Variants in MTA3 observed in about 807,000 individuals in gnomAD.
MTA3 encodes the protein metastasis associated 1 family member 3, also known as metastasis-associated protein MTA3.
MTA3 carries 34 observed loss-of-function variants against 83.5 expected under a neutral mutation model. The observed-to-expected ratio is 0.41, with a 90% CI of 0.31 to 0.54. The LOEUF is 0.54. Among genes scored for constraint, MTA3 ranks in the 20% least tolerant of loss-of-function variants. The probability of loss-of-function intolerance (pLI) is 0.33; values close to 1 mark genes in which losing one functional copy is unlikely to be tolerated. For synonymous variants in MTA3, 303 were observed against 252.7 expected (o/e 1.20, Z -1.89); for missense variants, 761 against 726.4 (o/e 1.05, Z -0.55).
chr2:42,643,470 G>A (rs1687887309), intron 5 of MTA3, among the ~76,000 whole-genome samples: 1 of 152,074 alleles, frequency 6.6e-6, no homozygotes, highest in South Asian at 2.1e-4. Flanking sequence ...AGGGAGGACT[G>A]GAAATTTTGG....
intron 2 of MTA3, among the ~76,000 whole-genome samples, chr2:42,517,864 C>CAAAAAAAA (rs386390061): frequency 1.0e-5 from 1 of 95,270 alleles, no homozygotes; most frequent in Non-Finnish European, 2.1e-5. Context: ...GACTCTGTCT[C>CAAAAAAAA]AAAAAAAAAA....
At chr2:42,668,724 C>T (rs1690518869) in intron 8 of MTA3, among the ~76,000 whole-genome samples, 1 of 152,086 alleles carries the variant, frequency 6.6e-6, no homozygotes, top group African/African-American at 2.4e-5. Context: ...TAAATATGGT[C>T]ATTAGGCTAT....
At chr2:42,605,172 G>GC (rs1683105895) in intron 3 of MTA3, among the ~76,000 whole-genome samples, 1 of 144,098 alleles carries the variant, frequency 6.9e-6, no homozygotes, top group Non-Finnish European at 1.5e-5. Flanking sequence ...GGGCAGAGGC[G>GC]CCCCTCACCT....
chr2:42,654,939 G>A lies in MTA3; in HGVS notation c.500-1261G>A, dbSNP rs140016423. Among the ~76,000 whole-genome samples the A allele has an allele frequency of 5.6e-3, 852 of 152,172 alleles. 8 individuals carry two copies. The highest frequency in any genetic ancestry group is 5.9e-3 in the Non-Finnish European group (404 of 67,992). Reference sequence around the variant, plus strand: ...CCTCCTTCTTTCTACTAATGCCAACGCTGTGAGTACAGCTCACAAAACTTG... The same window carrying A: ...CCTCCTTCTTTCTACTAATGCCAACACTGTGAGTACAGCTCACAAAACTTG... On this transcript the variant is annotated intron_variant, in intron 6 of 16. Transcript: ENST00000405094.
intron 4 of MTA3, among the ~76,000 whole-genome samples, chr2:42,635,910 C>T (rs939906695): frequency 3.3e-5 from 5 of 151,932 alleles, no homozygotes; most frequent in African/African-American, 4.8e-5. Flanking sequence ...GGATTACAGG[C>T]GTGCACCACC....
At chr2:42,508,247 C>A (rs1674727055) in intron 2 of MTA3, among the ~76,000 whole-genome samples, 1 of 152,010 alleles carries the variant, frequency 6.6e-6, no homozygotes, top group Non-Finnish European at 1.5e-5. Context: ...TTTTTCTTTC[C>A]CTTACCCTAT....
chr2:42,598,418 T>C (rs1336746628), intron 3 of MTA3, among the ~76,000 whole-genome samples: 4 of 152,194 alleles, frequency 2.6e-5, no homozygotes, highest in Admixed American at 2.6e-4. Context: ...TGCCTCTATA[T>C]TTAGGTAGTC....
At chr2:42,629,162 C>T (rs1686422744) in intron 4 of MTA3, among the ~76,000 whole-genome samples, 1 of 152,152 alleles carries the variant, frequency 6.6e-6, no homozygotes, top group South Asian at 2.1e-4. Flanking sequence ...TCCCTGCAAT[C>T]TCTGTCTCCC....
rs551415020 is a variant in MTA3 at position 42,646,266 on chromosome 2, A to T, written c.499+2022A>T. 4.5e-4 allele frequency among the ~76,000 whole-genome samples: 69 copies of T among 152,352 alleles called. 1 individual carries two copies. In the South Asian group the frequency reaches 0.014, roughly 30 times the overall value. ...AGAGCTCTGATGGGGATGTACAAGG[A>T]GGTGAATGTTGTTTGCATGACTGCT... On this transcript the variant is annotated intron_variant, in intron 6 of 16. Coordinates refer to ENST00000405094, the MANE Select transcript of MTA3 (RefSeq NM_001330442.2).
At chr2:42,546,861 A>C (rs1676780793) in intron 2 of MTA3, among the ~76,000 whole-genome samples, 1 of 152,152 alleles carries the variant, frequency 6.6e-6, no homozygotes, top group Non-Finnish European at 1.5e-5. Context: ...AGGAGGATGA[A>C]TGTGATCAGG....
intron 3 of MTA3, among the ~76,000 whole-genome samples, chr2:42,606,932 GGCGGCGCGTGCCTGCA>G (rs1244522842): frequency 6.7e-6 from 1 of 149,586 alleles, no homozygotes; most frequent in Non-Finnish European, 1.5e-5. Flanking sequence ...AGTCAGGCGT[GGCGGCGCGTGCCTGCA>G]ATCGCAGGCA....
intron 16 of MTA3, chr2:42,752,322 G>A (rs1669935448): frequency 6.4e-6 from 3 of 469,766 alleles, no homozygotes; most frequent in Non-Finnish European, 1.3e-5. Context: ...GCATTGCTGG[G>A]TCCTTTCCTG....
chr2:42,705,040 C>T (rs1450783647), intron 12 of MTA3, among the ~76,000 whole-genome samples: 9 of 152,148 alleles, frequency 5.9e-5, no homozygotes, highest in Non-Finnish European at 1.2e-4. Flanking sequence ...TTATTGAAAA[C>T]CTACTTGGTG....
intron 2 of MTA3, among the ~76,000 whole-genome samples, chr2:42,538,137 G>T (rs767669576): frequency 1.3e-5 from 2 of 152,088 alleles, no homozygotes; most frequent in Non-Finnish European, 2.9e-5. Flanking sequence ...GGAGGCTGAG[G>T]CAGGAGAATG....
At chr2:42,650,533 G>A (rs1235265903) in intron 6 of MTA3, among the ~76,000 whole-genome samples, 5 of 151,834 alleles carry the variant, frequency 3.3e-5, no homozygotes, top group Admixed American at 6.6e-5. Context: ...TCCGCCTCCC[G>A]GGTTCACGCC....
chr2:42,682,191 C>CCT (rs1691994970), intron 8 of MTA3, among the ~76,000 whole-genome samples: 2 of 151,970 alleles, frequency 1.3e-5, no homozygotes, highest in Non-Finnish European at 2.9e-5. Flanking sequence ...CCTGTGCTCC[C>CCT]CTCCCCCCAA....
At chr2:42,695,921 CT>C (rs1308371495) in intron 10 of MTA3, 82 bp downstream of exon 10, 3 of 905,128 alleles carry the variant, frequency 3.3e-6, no homozygotes, top group Non-Finnish European at 5.0e-6. Context: ...TGGCGATGTA[CT>C]ACTTTTAAAT....
chr2:42,644,720 A>G (rs185807442), intron 6 of MTA3, among the ~76,000 whole-genome samples: 1 of 152,290 alleles, frequency 6.6e-6, no homozygotes, highest in Admixed American at 6.5e-5. Flanking sequence ...CCTTTTCATT[A>G]TTATAATATC....
In MTA3 at chr2:42,611,806, C is replaced by T. The variant is rs1393662955; in HGVS notation, c.317+2222C>T. On this transcript the variant is annotated intron_variant, in intron 4 of 16. Coordinates refer to ENST00000405094, the MANE Select transcript of MTA3 (RefSeq NM_001330442.2). ...CCCTAGCCTGGGGGACAGAGTGAGA[C>T]CCTATGTGAAATAAATAATAAATAG... is the stretch of plus-strand genomic sequence containing the variant. 2.0e-5 allele frequency among the ~76,000 whole-genome samples: 3 copies of T among 152,136 alleles called. No individual in the cohort carries two copies. In the East Asian group the frequency reaches 5.8e-4, roughly 29 times the overall value.
Sources: gnomAD v4.1 joint callset for allele counts (sites outside exome capture counted in the v4.1 genomes callset) on GRCh38, gnomAD v4.1.1 for gene constraint, MANE v1.5 for transcripts, NCBI Gene and HGNC (gene_info 2026-07-23, HGNC 2026-07-21) for gene names.